CA10: variants seen among roughly 807,000 people sequenced by gnomAD.
CA10 encodes carbonic anhydrase 10 (inactive), also known as carbonic anhydrase-related protein 10.
CA10 carries 14 observed loss-of-function variants against 44.2 expected under a neutral mutation model. That is an observed-to-expected ratio of 0.32 (90% CI 0.21 to 0.50). CA10 has a LOEUF of 0.50. Among genes scored for constraint, CA10 ranks in the 20% least tolerant of loss-of-function variants. The probability of loss-of-function intolerance (pLI) is 0.99; values close to 1 mark genes in which losing one functional copy is unlikely to be tolerated. For missense variants in CA10, 350 were observed against 409.7 expected (o/e 0.85, Z 1.26); for synonymous variants, 159 against 141.6 (o/e 1.12, Z -0.87).
At chr17:51,782,291 G>A (rs1282157263) in intron 3 of CA10, among the ~76,000 whole-genome samples, 2 of 152,206 alleles carry the variant, frequency 1.3e-5, no homozygotes, top group Non-Finnish European at 2.9e-5. Flanking sequence ...TATATGCTAA[G>A]CAGCATTATA....
chr17:51,636,503 C>T (rs1445337768), intron 6 of CA10, among the ~76,000 whole-genome samples: 1 of 152,138 alleles, frequency 6.6e-6, no homozygotes. Flanking sequence ...ACATTCCTTC[C>T]ACAGGATGGG....
intron 3 of CA10, among the ~76,000 whole-genome samples, chr17:51,883,411 A>G (rs1980463374): frequency 6.6e-6 from 1 of 152,108 alleles, no homozygotes; most frequent in Non-Finnish European, 1.5e-5. Flanking sequence ...AGTCCTCAAG[A>G]GTTATCCATA....
chr17:51,918,150 C>A (rs1241195774), intron 3 of CA10, among the ~76,000 whole-genome samples: 1 of 152,122 alleles, frequency 6.6e-6, no homozygotes, highest in Non-Finnish European at 1.5e-5. Context: ...TTTCTGTATT[C>A]AAACCTACCT....
chr17:51,654,232 T>C (rs531050012), intron 4 of CA10, among the ~76,000 whole-genome samples: 12 of 152,372 alleles, frequency 7.9e-5, no homozygotes, highest in South Asian at 4.1e-4. Flanking sequence ...TAGTAGCTGA[T>C]GGATCAGGCT....
At chr17:51,793,621 C>T (rs1443945170) in intron 3 of CA10, among the ~76,000 whole-genome samples, 1 of 152,176 alleles carries the variant, frequency 6.6e-6, no homozygotes, top group Non-Finnish European at 1.5e-5. Flanking sequence ...GAGACATTTG[C>T]TGTAGCTTGG....
intron 1 of CA10, among the ~76,000 whole-genome samples, chr17:52,125,276 T>C (rs1328304852): frequency 6.6e-6 from 1 of 152,202 alleles, no homozygotes; most frequent in South Asian, 2.1e-4. Context: ...CCAGTGCTAC[T>C]GTAGTGTGAA....
intron 3 of CA10, among the ~76,000 whole-genome samples, chr17:51,874,555 G>C (rs1459296361): frequency 6.6e-6 from 1 of 152,112 alleles, no homozygotes; most frequent in Non-Finnish European, 1.5e-5. Context: ...ACATGCACCA[G>C]GAAAGGCATA....
intron 2 of CA10, among the ~76,000 whole-genome samples, chr17:51,931,548 G>A (rs534384040): frequency 1.1e-4 from 16 of 152,208 alleles, no homozygotes; most frequent in Admixed American, 2.6e-4. Context: ...ATCCTATTTG[G>A]AAGTTTTTCA....
chr17:51,807,313 C>A (rs1485017519), intron 3 of CA10, among the ~76,000 whole-genome samples: 1 of 152,168 alleles, frequency 6.6e-6, no homozygotes, highest in Non-Finnish European at 1.5e-5. Flanking sequence ...AATGAAAGGA[C>A]TTTCTTTCAG....
intron 2 of CA10, among the ~76,000 whole-genome samples, chr17:51,985,815 T>G (rs992901769): frequency 6.6e-6 from 1 of 151,994 alleles, no homozygotes; most frequent in Non-Finnish European, 1.5e-5. Context: ...GAAAGACCTC[T>G]ACAAGGAAAA....
intron 3 of CA10, among the ~76,000 whole-genome samples, chr17:51,781,838 G>A (rs1906072881): frequency 6.6e-6 from 1 of 152,104 alleles, no homozygotes; most frequent in Non-Finnish European, 1.5e-5. Flanking sequence ...AACAATATAT[G>A]TATACCATTT....
chr17:51,996,989 G>A (rs1985259233), intron 2 of CA10, among the ~76,000 whole-genome samples: 1 of 152,056 alleles, frequency 6.6e-6, no homozygotes, highest in Non-Finnish European at 1.5e-5. Context: ...ACAGCCAACA[G>A]ATGTAGGCTA....
intron 3 of CA10, among the ~76,000 whole-genome samples, chr17:51,905,020 G>A (rs556652283): frequency 1.3e-5 from 2 of 152,188 alleles, no homozygotes; most frequent in East Asian, 1.9e-4. Context: ...TGGCTGCTTC[G>A]TTTGCTCTCA....
At chr17:51,654,704 A>G (rs1464301472) in intron 4 of CA10, among the ~76,000 whole-genome samples, 6 of 151,982 alleles carry the variant, frequency 3.9e-5, no homozygotes, top group Non-Finnish European at 8.8e-5. Context: ...CTACAGGCGC[A>G]TGTCACCACG....
chr17:52,030,041 C>A (rs1023391642), intron 2 of CA10, among the ~76,000 whole-genome samples: 18 of 152,208 alleles, frequency 1.2e-4, no homozygotes, highest in Admixed American at 6.5e-4. Context: ...GAGAGAATGA[C>A]TTTGCTCTTC....
intron 1 of CA10, 56 bp downstream of exon 1, chr17:52,157,670 A>G: frequency 6.6e-7 from 1 of 1,505,826 alleles, no homozygotes; most frequent in Non-Finnish European, 9.2e-7. Context: ...AACCCCATAC[A>G]CCCCAGACAT....
At chr17:51,994,509 A>T (rs980405259) in intron 2 of CA10, among the ~76,000 whole-genome samples, 17 of 151,952 alleles carry the variant, frequency 1.1e-4, no homozygotes, top group Non-Finnish European at 2.9e-5. Flanking sequence ...ATGAAATGAG[A>T]TTGGTCTGTC....
intron 3 of CA10, among the ~76,000 whole-genome samples, chr17:51,851,014 G>A (rs964069377): frequency 2.6e-5 from 4 of 152,178 alleles, no homozygotes; most frequent in South Asian, 2.1e-4. Flanking sequence ...TCTGCAGACC[G>A]CGCTGCCATA....
At chr17:51,639,387 T>G (rs1912981368) in intron 6 of CA10, among the ~76,000 whole-genome samples, 1 of 152,150 alleles carries the variant, frequency 6.6e-6, no homozygotes, top group Non-Finnish European at 1.5e-5. Context: ...GTTTTGTTTC[T>G]TTGAGACTGT....
Sources: allele counts gnomAD v4.1 joint callset (sites outside exome capture counted in the v4.1 genomes callset), GRCh38; gene constraint gnomAD v4.1.1; transcripts MANE v1.5; gene names NCBI Gene and HGNC (gene_info 2026-07-23, HGNC 2026-07-21).